ADH7: variants seen among roughly 807,000 people sequenced by gnomAD.
ADH7 encodes the protein alcohol dehydrogenase 7 (class IV), mu or sigma polypeptide.
ADH7 carries 41 observed loss-of-function variants against 34.4 expected under a neutral mutation model. The observed-to-expected ratio is 1.19, with a 90% CI of 0.93 to 1.55. The LOEUF (loss-of-function observed/expected upper bound fraction) is 1.55, where lower values mean the gene tolerates loss of function less well. ADH7 is among the 40% of genes most tolerant of loss of function. The pLI is 0.00. For synonymous variants in ADH7, 180 were observed against 160.9 expected, an observed-to-expected ratio of 1.12 and a Z score of -0.90; for missense variants, 540 against 461.2, an observed-to-expected ratio of 1.17 and a Z score of -1.56.
chr4:99,426,697 C>T lies in ADH7; in HGVS notation c.564+1076G>A, dbSNP rs574828331. 1.2e-3 allele frequency among the ~76,000 whole-genome samples: 183 copies of T among 152,254 alleles called. 1 individual carries two copies. The highest frequency in any genetic ancestry group is 3.3e-3 in the Admixed American group (51 of 15,290). ...TCAATAGAAAAAGAGGGAATCCTCCCTAACTCATTTTATGAGGCCAGCATC... is the reference window on the plus strand; with the variant it reads ...TCAATAGAAAAAGAGGGAATCCTCCTTAACTCATTTTATGAGGCCAGCATC... On this transcript the variant is annotated intron_variant, in intron 5 of 8. Transcript: ENST00000437033.
At chr4:99,434,062 C>A (rs1339111271) in intron 1 of ADH7, among the ~76,000 whole-genome samples, 2 of 152,084 alleles carry the variant, frequency 1.3e-5, no homozygotes, top group African/African-American at 4.8e-5. Flanking sequence ...CTTTTATACT[C>A]TTTATATATT....
chr4:99,435,152 G>C, intron 1 of ADH7, 64 bp downstream of exon 1: 5 of 1,587,826 alleles, frequency 3.1e-6, no homozygotes, highest in Non-Finnish European at 4.3e-6. Context: ...TGGATTCAAA[G>C]TTCTAAGTAT....
chr4:99,426,274 G>C (rs907501993), intron 5 of ADH7, among the ~76,000 whole-genome samples: 13 of 152,100 alleles, frequency 8.5e-5, no homozygotes, highest in Non-Finnish European at 1.6e-4. Flanking sequence ...TCATGGAGCT[G>C]GTGTTTTGAA....
chr4:99,419,536 G>A (rs961808993), intron 6 of ADH7, among the ~76,000 whole-genome samples: 2 of 151,932 alleles, frequency 1.3e-5, no homozygotes, highest in African/African-American at 2.4e-5. Context: ...TAAAATGTGG[G>A]ACAAAAGAGT....
In ADH7 at chr4:99,425,429, A is replaced by G. The variant is rs951536750; in HGVS notation, c.564+2344T>C. On this transcript the variant is annotated intron_variant, in intron 5 of 8. Transcript: ENST00000437033. ...GCAATCCTAGTCTCTGATAAAACAG[A>G]CTTTAAACCAACAAAGATCAAAAGA... 1.6e-4 allele frequency among the ~76,000 whole-genome samples: 25 copies of G among 152,134 alleles called. 1 individual carries two copies. The highest frequency in any genetic ancestry group is 5.8e-4 in the African/African-American group (24 of 41,426).
chr4:99,435,143 G>T (rs767462231), intron 1 of ADH7, 73 bp downstream of exon 1: 22 of 1,575,188 alleles, frequency 1.4e-5, no homozygotes, highest in Middle Eastern at 1.7e-4. Context: ...TTACTTTAAT[G>T]GATTCAAAGT....
chr4:99,415,332 T>G (rs1579570654), intron 8 of ADH7, 146 bp downstream of exon 8: 3 of 854,138 alleles, frequency 3.5e-6, no homozygotes, highest in East Asian at 2.7e-5. Context: ...ACTAATGCAG[T>G]GGGTAAAGAG....
intron 5 of ADH7, among the ~76,000 whole-genome samples, chr4:99,426,626 G>T (rs576367700): frequency 1.8e-4 from 28 of 152,286 alleles, no homozygotes; most frequent in African/African-American, 6.3e-4. Context: ...AATTCTACAA[G>T]AGGTACAAGG....
Position 99,435,237 on chromosome 4 carries a change from G to T in ADH7, c.-4C>A. 1 of 1,613,430 alleles carries T rather than the reference G, an allele frequency of 6.2e-7. No homozygotes were observed. The highest frequency in any genetic ancestry group is 8.5e-7 in the Non-Finnish European group (1 of 1,179,742). ...TTACTTTTCCAGCAGTGCCCATCCT[G>T]TCTTTGTCTTGGATCTGTATTTCTG... On this transcript the variant is annotated 5_prime_UTR_variant, in exon 1 of 9. Transcript: ENST00000437033.
Position 99,412,707 on chromosome 4 carries a change from T to C in ADH7, c.*441A>G, listed in dbSNP as rs891115532. 1 of 153,052 alleles carries C rather than the reference T, an allele frequency of 6.5e-6. No homozygotes were observed. Among genetic ancestry groups the C allele is most frequent in the African/African-American group, 2.4e-5 (1 of 41,468 alleles). 9.5% of individuals were successfully genotyped at this position (153,052 alleles called of 1,614,324 possible). ...AATCCAACTTAACTCATAACAAGTG[T>C]TTAAAAAATACATTTATATTCAAAT... On this transcript the variant is annotated 3_prime_UTR_variant, in exon 9 of 9. Transcript: ENST00000437033.
chr4:99,420,777 G>C lies in ADH7; in HGVS notation c.581C>G (p.Thr194Ser). ...VKTGKVKPGS[T>S]CVVFGLGGVG... is the part of the protein sequence containing the mutation. Reference sequence around the variant, plus strand: ...TCCTCCCAGGCCAAAGACGACGCAAGTGGAACCAGGTTTGACCTGTGGAGA... The same window carrying C: ...TCCTCCCAGGCCAAAGACGACGCAACTGGAACCAGGTTTGACCTGTGGAGA... The change falls in exon 6 of 9, where the codon ACT (threonine) becomes AGT (serine). Residue 194 changes from threonine to serine, a missense_variant. By Grantham distance (58) the Thr-to-Ser change is moderately conservative (BLOSUM62 1). Coordinates refer to ENST00000437033, the MANE Select transcript of ADH7 (RefSeq NM_000673.7). The C allele has an allele frequency of 6.2e-7, 1 of 1,613,838 alleles. No homozygotes were observed. Among genetic ancestry groups the C allele is most frequent in the Non-Finnish European group, 8.5e-7 (1 of 1,179,878 alleles).
At chr4:99,423,883 T>C (rs1413537463) in intron 5 of ADH7, among the ~76,000 whole-genome samples, 2 of 152,110 alleles carry the variant, frequency 1.3e-5, no homozygotes, top group African/African-American at 4.8e-5. Context: ...TTTAGTTTAA[T>C]TAGATCCCAT....
rs1452892569 is a variant in ADH7 at position 99,435,284 on chromosome 4, T to C, written c.-51A>G. 6.2e-7 allele frequency: 1 copy of C among 1,612,110 alleles called. No homozygotes were observed. The highest frequency in any genetic ancestry group is 1.7e-5 in the Admixed American group (1 of 59,800). ...TCTGCAAACATAGACTTTTTCTGAC[T>C]GATGCTCAGTTCACTCTGTTGTATA... On this transcript the variant is annotated 5_prime_UTR_variant, in exon 1 of 9. Coordinates refer to ENST00000437033, the MANE Select transcript of ADH7 (RefSeq NM_000673.7).
intron 7 of ADH7, 132 bp downstream of exon 7, chr4:99,418,854 T>G (rs1721581629): frequency 9.4e-7 from 1 of 1,060,830 alleles, no homozygotes; most frequent in Admixed American, 2.7e-5. Context: ...TGTGTTATTA[T>G]GATCACAGTT....
intron 8 of ADH7, among the ~76,000 whole-genome samples, chr4:99,414,094 C>A (rs566773827): frequency 2.0e-5 from 3 of 152,214 alleles, no homozygotes; most frequent in Admixed American, 6.5e-5. Context: ...TTCCTGAAAG[C>A]AGAATTTATG....
In ADH7 at chr4:99,427,863, A is replaced by G. The variant is rs750979953; in HGVS notation, c.474T>C (p.Ala158=). The part of the protein sequence containing the change: ...EYTVVDESSV[A]KIDDAAPPEK... ...CAGGAGGAGCTGCATCATCAATCTT[A>G]GCAACAGAAGATTCATCCACCACTG... Residue 158 remains alanine (A), a synonymous_variant, in exon 5 of 9, where the codon GCT becomes GCC. Transcript: ENST00000437033. 9.6e-5 allele frequency: 155 copies of G among 1,613,462 alleles called. No homozygotes were observed. The highest frequency in any genetic ancestry group is 1.6e-4 in the Middle Eastern group (1 of 6,078).
intron 7 of ADH7, among the ~76,000 whole-genome samples, 193 bp downstream of exon 7, chr4:99,418,793 C>T (rs1362351135): frequency 1.3e-5 from 2 of 152,124 alleles, no homozygotes; most frequent in Non-Finnish European, 2.9e-5. Context: ...ATTAAAAATG[C>T]GTCCACCAAT....
At position 99,420,692 on chromosome 4, in the gene ADH7, A is replaced by G. The variant is rs756964455; in HGVS notation, c.666T>C (p.Ile222=). The G allele has an allele frequency of 6.2e-7, 1 of 1,613,964 alleles. No homozygotes were observed. The change falls in exon 6 of 9, where the codon ATT becomes ATC. Residue 222 remains isoleucine (I), a synonymous_variant. Transcript: ENST00000437033. ...TCTCAAATTTGTCTTTGTTGAGGTC[A>G]ATCCCAATGATCCTAGATGCACCAG... ...KSAGASRIIG[I]DLNKDKFEKA... is the part of the protein sequence containing the mutation.
chr4:99,434,162 C>T (rs944931745), intron 1 of ADH7, among the ~76,000 whole-genome samples: 1 of 152,030 alleles, frequency 6.6e-6, no homozygotes, highest in Non-Finnish European at 1.5e-5. Context: ...TATCGACTTC[C>T]TAGAAATAGT....
Sources: allele counts gnomAD v4.1 joint callset (sites outside exome capture counted in the v4.1 genomes callset), GRCh38; gene constraint gnomAD v4.1.1; transcripts MANE v1.5; gene names NCBI Gene and HGNC (gene_info 2026-07-23, HGNC 2026-07-21).